CHL1: variants seen among roughly 807,000 people sequenced by gnomAD.
CHL1 encodes the protein neural cell adhesion molecule L1-like protein.
In CHL1, 96 loss-of-function variants were observed where a neutral mutation model predicts 141.9. That is an observed-to-expected ratio of 0.68 (90% CI 0.57 to 0.80). The LOEUF is 0.80. Ranked by LOEUF, CHL1 falls within the 30% of genes least tolerant of loss-of-function variation. CHL1 has a pLI of 0.00. For synonymous variants in CHL1, 613 were observed against 502.2 expected (o/e 1.22, Z -2.95); for missense variants, 1,820 against 1,457.2 (o/e 1.25, Z -4.05).
At chr3:325,932 T>C in intron 3 of CHL1, 27 bp from the exon 4 acceptor site, 1 of 1,518,198 alleles carries the variant, frequency 6.6e-7, no homozygotes, top group Non-Finnish European at 9.1e-7. Flanking sequence ...GAATAGTGTG[T>C]TTTTAAGTAC....
At position 405,700 on chromosome 3, in the gene CHL1, C is replaced by T. The variant is rs781693648; in HGVS notation, c.3664C>T (p.Leu1222Phe). ...TGGAAGTTCTACAGCAACTTTTCCC[C>T]TTCGGGCATAAACACAACATATGTA... ...SNGSSTATFP[L>F]RA The change falls in exon 28 of 28, where the codon CTT (leucine) becomes TTT (phenylalanine). Residue 1222 changes from leucine to phenylalanine, a missense_variant. By Grantham distance (22) the Leu-to-Phe change is conservative. Transcript: ENST00000256509. 1.2e-5 allele frequency: 20 copies of T among 1,612,744 alleles called. No homozygotes were observed. The highest frequency in any genetic ancestry group is 1.7e-5 in the Non-Finnish European group (20 of 1,179,046).
intron 19 of CHL1, among the ~76,000 whole-genome samples, chr3:388,413 G>A (rs1707933556): frequency 6.6e-6 from 1 of 151,844 alleles, no homozygotes; most frequent in South Asian, 2.1e-4. Context: ...CGGGCGTGGT[G>A]GTGCATGCCT....
Position 253,367 on chromosome 3 carries a change from A to G in CHL1, c.-95+8675A>G, listed in dbSNP as rs966952805. The stretch of plus-strand genomic sequence containing the variant: ...GAGTTATTGAATTGATGCTGAAGTA[A>G]CAGAGCTGGTATCAGAGAATTATAC... On this transcript the variant is annotated intron_variant, in intron 2 of 27. Coordinates refer to ENST00000256509, the MANE Select transcript of CHL1 (RefSeq NM_006614.4). Among the ~76,000 whole-genome samples, 3 of 152,156 alleles carry G rather than the reference A, an allele frequency of 2.0e-5. No homozygotes were observed. The South Asian group carries it at 6.2e-4, about 32-fold the overall frequency.
intron 2 of CHL1, among the ~76,000 whole-genome samples, chr3:266,789 A>T (rs543610734): frequency 6.6e-6 from 1 of 152,354 alleles, no homozygotes; most frequent in Admixed American, 6.5e-5. Flanking sequence ...TTAGCAAGGC[A>T]GCACTTCCAA....
intron 5 of CHL1, among the ~76,000 whole-genome samples, chr3:333,280 G>A (rs922681600): frequency 1.5e-4 from 23 of 151,598 alleles, no homozygotes; most frequent in Non-Finnish European, 2.9e-4. Context: ...CCAATACTTA[G>A]GAGTTTATAA....
At chr3:395,494 G>T (rs555226501) in intron 24 of CHL1, among the ~76,000 whole-genome samples, 1 of 152,128 alleles carries the variant, frequency 6.6e-6, no homozygotes, top group East Asian at 1.9e-4. Flanking sequence ...TTTTAGTGAG[G>T]TTCTTGCTAA....
chr3:255,476 T>C (rs1333304180), intron 2 of CHL1, among the ~76,000 whole-genome samples: 1 of 149,662 alleles, frequency 6.7e-6, no homozygotes, highest in Non-Finnish European at 1.5e-5. Flanking sequence ...TACACACTGT[T>C]GACAGCCTTT....
At chr3:264,159 C>A (rs1694971849) in intron 2 of CHL1, among the ~76,000 whole-genome samples, 1 of 152,168 alleles carries the variant, frequency 6.6e-6, no homozygotes, top group Non-Finnish European at 1.5e-5. Flanking sequence ...TTTATGTACT[C>A]TATTCAAATA....
intron 27 of CHL1, among the ~76,000 whole-genome samples, chr3:402,354 G>C (rs1318129137): frequency 6.6e-6 from 1 of 152,202 alleles, no homozygotes. Flanking sequence ...AGTCTACTCT[G>C]AGCTAGGTAG....
intron 1 of CHL1, among the ~76,000 whole-genome samples, chr3:231,456 T>C (rs1221889206): frequency 1.3e-5 from 2 of 152,182 alleles, no homozygotes; most frequent in African/African-American, 4.8e-5. Flanking sequence ...GTTTCAAAGT[T>C]TGCAAAGTAA....
intron 3 of CHL1, among the ~76,000 whole-genome samples, chr3:320,918 G>T (rs1484663731): frequency 6.6e-6 from 1 of 151,848 alleles, no homozygotes; most frequent in Non-Finnish European, 1.5e-5. Context: ...TAGAGGTGTT[G>T]GTTGTTTATT....
rs1354268532 is a variant in CHL1, at chr3:328,266, C to G, written c.297C>G (p.His99Gln). The G allele has an allele frequency of 1.9e-6, 3 of 1,612,540 alleles. No individual in the cohort carries two copies. The highest frequency in any genetic ancestry group is 1.1e-5 in the South Asian group (1 of 90,970). ...SGTFRIPNEG[H>Q]ISHFQGKYRC... ...CATTCAGGATCCCAAACGAGGGGCA[C>G]ATATCTCACTTTCAAGGGAAATACC... is the stretch of plus-strand genomic sequence containing the variant. The change falls in exon 5 of 28, where the codon CAC becomes CAG. Residue 99 changes from histidine to glutamine, a missense_variant. Coordinates refer to ENST00000256509, the MANE Select transcript of CHL1 (RefSeq NM_006614.4).
intron 5 of CHL1, among the ~76,000 whole-genome samples, chr3:340,278 T>C (rs1459403027): frequency 6.6e-6 from 1 of 152,212 alleles, no homozygotes; most frequent in Non-Finnish European, 1.5e-5. Flanking sequence ...GTGGTCAAAT[T>C]TGGCTTTCCA....
intron 1 of CHL1, among the ~76,000 whole-genome samples, chr3:228,297 A>G (rs2125024391): frequency 6.6e-6 from 1 of 151,742 alleles, no homozygotes; most frequent in Non-Finnish European, 1.5e-5. Context: ...GATTACATTT[A>G]GTCTAAGAGG....
At chr3:336,966 A>G (rs974912335) in intron 5 of CHL1, among the ~76,000 whole-genome samples, 7 of 152,136 alleles carry the variant, frequency 4.6e-5, no homozygotes, top group African/African-American at 1.7e-4. Context: ...CTAGATGTGA[A>G]TATATTTGAA....
At chr3:383,194 T>C (rs1471319690) in intron 18 of CHL1, among the ~76,000 whole-genome samples, 4 of 152,206 alleles carry the variant, frequency 2.6e-5, no homozygotes, top group Admixed American at 6.5e-5. Context: ...ATTTCCTTTT[T>C]GGACTGAGAA....
At chr3:370,618 A>C (rs979997512) in intron 15 of CHL1, among the ~76,000 whole-genome samples, 1 of 147,770 alleles carries the variant, frequency 6.8e-6, no homozygotes, top group Non-Finnish European at 1.5e-5. Context: ...TTCTGCTCTG[A>C]TTTTAGTTGT....
intron 1 of CHL1, among the ~76,000 whole-genome samples, chr3:240,934 C>G (rs1692500352): frequency 6.6e-6 from 1 of 152,124 alleles, no homozygotes; most frequent in Non-Finnish European, 1.5e-5. Flanking sequence ...TCTGGGTTCT[C>G]TATTCTGTTC....
intron 1 of CHL1, among the ~76,000 whole-genome samples, chr3:216,479 A>T (rs1176648945): frequency 6.6e-6 from 1 of 152,206 alleles, no homozygotes; most frequent in African/African-American, 2.4e-5. Flanking sequence ...GTACCAGAAT[A>T]CTTTTATGAA....
Sources: gnomAD v4.1 joint callset for allele counts (sites outside exome capture counted in the v4.1 genomes callset) on GRCh38, gnomAD v4.1.1 for gene constraint, MANE v1.5 for transcripts, NCBI Gene and HGNC (gene_info 2026-07-23, HGNC 2026-07-21) for gene names.